SUSD6: variants seen among roughly 807,000 people sequenced by gnomAD.
The protein encoded by SUSD6 is sushi domain-containing protein 6.
Under a neutral mutation model 28.4 loss-of-function variants are expected in SUSD6, and 16 were observed. The observed-to-expected ratio is 0.56, with a 90% CI of 0.38 to 0.86. SUSD6 has a LOEUF of 0.86. Ranked by LOEUF, SUSD6 falls within the 40% of genes least tolerant of loss-of-function variation. The probability of loss-of-function intolerance (pLI) is 0.00; values close to 1 mark genes in which losing one functional copy is unlikely to be tolerated. For synonymous variants in SUSD6, 147 were observed against 159.6 expected, an observed-to-expected ratio of 0.92 and a Z score of 0.59; for missense variants, 341 against 384.2, an observed-to-expected ratio of 0.89 and a Z score of 0.94.
At chr14:69,641,221 T>C (rs932323316) in intron 1 of SUSD6, among the ~76,000 whole-genome samples, 4 of 152,254 alleles carry the variant, frequency 2.6e-5, no homozygotes, top group Non-Finnish European at 4.4e-5. Flanking sequence ...TCGATTATGA[T>C]GTACCTTGTG....
At chr14:69,673,702 C>T (rs1029277597) in intron 2 of SUSD6, among the ~76,000 whole-genome samples, 1 of 152,180 alleles carries the variant, frequency 6.6e-6, no homozygotes, top group Admixed American at 6.5e-5. Context: ...ATTCTGCCCC[C>T]TGAGGCAGCA....
intron 2 of SUSD6, among the ~76,000 whole-genome samples, chr14:69,673,096 G>A (rs889960860): frequency 2.0e-5 from 3 of 152,234 alleles, no homozygotes; most frequent in Admixed American, 6.5e-5. Flanking sequence ...AGTGGCAGAT[G>A]TGTGGGCTCC....
In SUSD6 at chr14:69,654,679, A is replaced by G. The variant is rs370945347; in HGVS notation, c.-80-3834A>G. ...TACAAAGTACAACACTCAATATAGT[A>G]AAAGGGAATATATGCAGTTAAAAAT... On this transcript the variant is annotated intron_variant, in intron 1 of 5. Transcript: ENST00000342745. 3.2e-4 allele frequency among the ~76,000 whole-genome samples: 48 copies of G among 152,314 alleles called. No individual in the cohort carries two copies. In the South Asian group the frequency reaches 8.9e-3, roughly 28 times the overall value.
chr14:69,647,806 G>A (rs1323113459), intron 1 of SUSD6, among the ~76,000 whole-genome samples: 1 of 152,148 alleles, frequency 6.6e-6, no homozygotes, highest in Non-Finnish European at 1.5e-5. Flanking sequence ...CCAACATGGT[G>A]AAACCCTGTC....
chr14:69,635,944 A>G (rs904018768), intron 1 of SUSD6, among the ~76,000 whole-genome samples: 2 of 152,260 alleles, frequency 1.3e-5, no homozygotes, highest in Non-Finnish European at 2.9e-5. Context: ...CATCACACCT[A>G]TGCTTCAGGG....
chr14:69,612,588 G>A (rs781375607), intron 1 of SUSD6, among the ~76,000 whole-genome samples: 1 of 152,146 alleles, frequency 6.6e-6, no homozygotes, highest in African/African-American at 2.4e-5. Flanking sequence ...AGGAGGGGGA[G>A]GTGGTTATGG....
intron 2 of SUSD6, among the ~76,000 whole-genome samples, chr14:69,695,731 C>A (rs1262969025): frequency 6.6e-6 from 1 of 152,180 alleles, no homozygotes; most frequent in East Asian, 1.9e-4. Flanking sequence ...AGTATCTCAA[C>A]CCCTGGCTCA....
intron 1 of SUSD6, among the ~76,000 whole-genome samples, chr14:69,617,917 A>G (rs1255075800): frequency 6.6e-6 from 1 of 152,150 alleles, no homozygotes. Context: ...TGCTCTTTAG[A>G]GCAGCCCCCA....
chr14:69,680,972 T>G (rs1347805718), intron 2 of SUSD6, among the ~76,000 whole-genome samples: 1 of 152,220 alleles, frequency 6.6e-6, no homozygotes, highest in African/African-American at 2.4e-5. Context: ...CCCCAAAAGT[T>G]TCCTACCCAT....
At position 69,708,883 on chromosome 14, in the gene SUSD6, C is replaced by T. The variant is rs1387418763; in HGVS notation, c.665C>T (p.Ala222Val). The part of the protein sequence containing the change: ...PREQQLPDQG[A>V]CSSAGGEDEA... Reference sequence around the variant, plus strand: ...GAGCAACAGCTGCCGGACCAAGGGGCCTGCTCCTCTGCAGGTGGAGAAGAT... The same window carrying T: ...GAGCAACAGCTGCCGGACCAAGGGGTCTGCTCCTCTGCAGGTGGAGAAGAT... The change falls in exon 5 of 6, where the codon GCC becomes GTC. Residue 222 changes from alanine to valine, a missense_variant. Ala to Val is a moderately conservative substitution (Grantham distance 64). Coordinates refer to ENST00000342745, the MANE Select transcript of SUSD6 (RefSeq NM_014734.4). 6.2e-7 allele frequency: 1 copy of T among 1,614,138 alleles called. No individual in the cohort carries two copies. The highest frequency in any genetic ancestry group is 2.2e-5 in the East Asian group (1 of 44,872).
chr14:69,649,554 A>G (rs999619881), intron 1 of SUSD6, among the ~76,000 whole-genome samples: 1 of 152,180 alleles, frequency 6.6e-6, no homozygotes, highest in South Asian at 2.1e-4. Flanking sequence ...GTATTTTTCT[A>G]TACAAATTAT....
chr14:69,679,442 G>A (rs1312659607), intron 2 of SUSD6, among the ~76,000 whole-genome samples: 1 of 152,156 alleles, frequency 6.6e-6, no homozygotes, highest in Non-Finnish European at 1.5e-5. Context: ...ATTGATAGGT[G>A]TAACACACAA....
At chr14:69,663,525 G>C (rs1885693111) in intron 2 of SUSD6, among the ~76,000 whole-genome samples, 1 of 152,244 alleles carries the variant, frequency 6.6e-6, no homozygotes, top group Non-Finnish European at 1.5e-5. Context: ...CCTCGAGTCA[G>C]AGAGAATGTA....
At chr14:69,637,563 A>G (rs1013263308) in intron 1 of SUSD6, among the ~76,000 whole-genome samples, 1 of 152,152 alleles carries the variant, frequency 6.6e-6, no homozygotes, top group Non-Finnish European at 1.5e-5. Flanking sequence ...TGGGTGCTGG[A>G]GAGCCTTGGA....
intron 1 of SUSD6, among the ~76,000 whole-genome samples, chr14:69,624,218 A>G (rs1024039367): frequency 5.9e-5 from 9 of 152,250 alleles, no homozygotes; most frequent in African/African-American, 2.2e-4. Flanking sequence ...GTATTCAGTA[A>G]CATATCTGCT....
At chr14:69,698,499 G>C (rs1330549191) in intron 2 of SUSD6, among the ~76,000 whole-genome samples, 1 of 152,158 alleles carries the variant, frequency 6.6e-6, no homozygotes, top group Non-Finnish European at 1.5e-5. Flanking sequence ...TAAATTGAAT[G>C]CTTTGACCCC....
At chr14:69,708,012 A>G (rs932866459) in intron 4 of SUSD6, among the ~76,000 whole-genome samples, 4 of 152,186 alleles carry the variant, frequency 2.6e-5, no homozygotes, top group Non-Finnish European at 5.9e-5. Context: ...TAAATCAGCT[A>G]GCTGTACACA....
intron 1 of SUSD6, among the ~76,000 whole-genome samples, chr14:69,643,985 T>C (rs1395436432): frequency 1.3e-5 from 2 of 152,218 alleles, no homozygotes; most frequent in Non-Finnish European, 2.9e-5. Flanking sequence ...TTCCCTCTTC[T>C]GGACTCCAGC....
chr14:69,651,133 C>G (rs557537593), intron 1 of SUSD6, among the ~76,000 whole-genome samples: 1 of 152,352 alleles, frequency 6.6e-6, no homozygotes, highest in African/African-American at 2.4e-5. Flanking sequence ...GAAAGACTCA[C>G]TGACTTGCCT....
Sources: allele counts gnomAD v4.1 joint callset (sites outside exome capture counted in the v4.1 genomes callset), GRCh38; gene constraint gnomAD v4.1.1; transcripts MANE v1.5; gene names NCBI Gene and HGNC (gene_info 2026-07-23, HGNC 2026-07-21).